Variants in STAG1 observed in about 807,000 individuals in gnomAD.
STAG1 encodes the protein STAG1 cohesin complex component, also known as cohesin subunit SA-1.
Under a neutral mutation model 170.9 loss-of-function variants are expected in STAG1, and 26 were observed. The observed-to-expected ratio is 0.15, with a 90% CI of 0.11 to 0.21. STAG1 has a LOEUF of 0.21. Among genes scored for constraint, STAG1 ranks in the 10% least tolerant of loss-of-function variants. The probability of loss-of-function intolerance (pLI) is 1.00; values close to 1 mark genes in which losing one functional copy is unlikely to be tolerated. For synonymous variants in STAG1, 514 were observed against 497.7 expected (o/e 1.03, Z -0.44); for missense variants, 964 against 1,509.5 (o/e 0.64, Z 5.99).
At chr3:136,555,190 C>T (rs1247458957) in intron 5 of STAG1, among the ~76,000 whole-genome samples, 1 of 150,222 alleles carries the variant, frequency 6.7e-6, no homozygotes, top group Non-Finnish European at 1.5e-5. Flanking sequence ...GGAGAGTTTC[C>T]TAGAAAAATC....
intron 1 of STAG1, chr3:136,737,124 C>G: frequency 3.6e-6 from 3 of 825,430 alleles, no homozygotes; most frequent in Non-Finnish European, 6.4e-6. Context: ...CTGATTTTTT[C>G]ACGTTAGAAC....
intron 1 of STAG1, among the ~76,000 whole-genome samples, chr3:136,649,526 A>AAATTAGCC (rs1941145500): frequency 6.6e-6 from 1 of 151,178 alleles, no homozygotes; most frequent in Non-Finnish European, 1.5e-5. Flanking sequence ...AAAAAAAGAA[A>AAATTAGCC]GGGTCCAGTT....
chr3:136,496,637 A>C (rs999572465), intron 9 of STAG1, among the ~76,000 whole-genome samples: 1 of 152,216 alleles, frequency 6.6e-6, no homozygotes, highest in Non-Finnish European at 1.5e-5. Flanking sequence ...TTTAGGACAC[A>C]TAGCTAAAGC....
intron 1 of STAG1, among the ~76,000 whole-genome samples, chr3:136,724,040 C>T (rs1467198308): frequency 6.7e-6 from 1 of 149,686 alleles, no homozygotes; most frequent in East Asian, 2.1e-4. Flanking sequence ...CGCCTCTGCC[C>T]GGCCGCCCCT....
chr3:136,538,754 C>T lies in STAG1; in HGVS notation c.471+3365G>A, dbSNP rs564436784. Among the ~76,000 whole-genome samples, 11 of 152,080 alleles carry T rather than the reference C, an allele frequency of 7.2e-5. No homozygotes were observed. The South Asian group carries it at 1.2e-3, about 17-fold the overall frequency. ...TTACTTCTTAAGCACTCCTCTCGTA[C>T]GTTAAAAACTATGGCCCTCTGAAAA... On this transcript the variant is annotated intron_variant, in intron 6 of 33. Transcript: ENST00000383202.
At chr3:136,589,329 T>C (rs1341004521) in intron 4 of STAG1, among the ~76,000 whole-genome samples, 3 of 151,620 alleles carry the variant, frequency 2.0e-5, no homozygotes, top group Non-Finnish European at 4.4e-5. Context: ...TGAAACCCAG[T>C]CTCTACTAAA....
At chr3:136,404,782 G>A (rs574265775) in intron 21 of STAG1, among the ~76,000 whole-genome samples, 1 of 152,088 alleles carries the variant, frequency 6.6e-6, no homozygotes, top group South Asian at 2.1e-4. Flanking sequence ...GAATGTTTAA[G>A]TTTAGAAAAC....
intron 9 of STAG1, among the ~76,000 whole-genome samples, chr3:136,479,146 A>G (rs993675583): frequency 1.4e-5 from 2 of 142,556 alleles, no homozygotes; most frequent in African/African-American, 5.2e-5. Flanking sequence ...TTACATATGT[A>G]TACATGTGCC....
At chr3:136,542,309 A>G in intron 5 of STAG1, 114 bp from the exon 6 acceptor site, 4 of 697,898 alleles carry the variant, frequency 5.7e-6, no homozygotes, top group Non-Finnish European at 9.5e-6. Context: ...ACCTTCCAAC[A>G]TATATTTTAT....
At chr3:136,508,882 G>C (rs546955329) in intron 7 of STAG1, among the ~76,000 whole-genome samples, 1 of 152,104 alleles carries the variant, frequency 6.6e-6, no homozygotes, top group Non-Finnish European at 1.5e-5. Context: ...GTGTGCGCGC[G>C]TGCGCGAGAG....
At chr3:136,387,740 G>A (rs1003670754) in intron 22 of STAG1, among the ~76,000 whole-genome samples, 1 of 152,182 alleles carries the variant, frequency 6.6e-6, no homozygotes, top group African/African-American at 2.4e-5. Context: ...TTGGCGATCT[G>A]AATCCCCACC....
At chr3:136,366,418 C>T (rs1244330909) in intron 25 of STAG1, among the ~76,000 whole-genome samples, 1 of 152,060 alleles carries the variant, frequency 6.6e-6, no homozygotes, top group Admixed American at 6.6e-5. Context: ...GAAATCATGT[C>T]TTACTTAAAC....
intron 21 of STAG1, among the ~76,000 whole-genome samples, chr3:136,400,561 A>T (rs1239254078): frequency 6.6e-6 from 1 of 150,530 alleles, no homozygotes; most frequent in Non-Finnish European, 1.5e-5. Context: ...TTTGAGACGA[A>T]GTCTCGCTTT....
intron 4 of STAG1, among the ~76,000 whole-genome samples, chr3:136,594,036 T>C (rs1223242811): frequency 2.6e-5 from 4 of 152,212 alleles, no homozygotes; most frequent in African/African-American, 9.6e-5. Flanking sequence ...CTTGAAACTT[T>C]CAAGCTTCTC....
In STAG1 at chr3:136,465,001, G is replaced by C. The variant is rs1363208793; in HGVS notation, c.1206-13C>G. ...TTCTTCACTTCCACTGAAAAATACA[G>C]AAAGTAACATCTGATCTAAAGCAAA... is the stretch of plus-strand genomic sequence containing the variant. On this transcript the variant is annotated splice_polypyrimidine_tract_variant and intron_variant, in intron 12 of 33. Coordinates refer to ENST00000383202, the MANE Select transcript of STAG1 (RefSeq NM_005862.3). 3 of 1,579,400 alleles carry C rather than the reference G, an allele frequency of 1.9e-6. No homozygotes were observed. The highest frequency in any genetic ancestry group is 3.5e-5 in the Admixed American group (2 of 57,172).
intron 1 of STAG1, among the ~76,000 whole-genome samples, chr3:136,722,936 C>A (rs1370560180): frequency 6.6e-6 from 1 of 152,200 alleles, no homozygotes; most frequent in Non-Finnish European, 1.5e-5. Flanking sequence ...GTGAGTGATC[C>A]GCCAGCCTCG....
intron 8 of STAG1, 26 bp from the exon 9 acceptor site, chr3:136,500,322 T>G: frequency 6.9e-7 from 1 of 1,440,146 alleles, no homozygotes; most frequent in Non-Finnish European, 9.6e-7. Flanking sequence ...ATATATAAGT[T>G]GAAATCCTGA....
chr3:136,375,121 T>C (rs1351301319), intron 23 of STAG1, among the ~76,000 whole-genome samples: 2 of 152,180 alleles, frequency 1.3e-5, no homozygotes, highest in African/African-American at 4.8e-5. Flanking sequence ...CATACAATGA[T>C]GAAATTGCCT....
intron 3 of STAG1, among the ~76,000 whole-genome samples, chr3:136,610,268 C>G (rs889219573): frequency 2.0e-5 from 3 of 152,126 alleles, no homozygotes; most frequent in Non-Finnish European, 2.9e-5. Flanking sequence ...AATTCCTGAC[C>G]TTGTGATCCA....
Sources: allele counts gnomAD v4.1 joint callset (sites outside exome capture counted in the v4.1 genomes callset), GRCh38; gene constraint gnomAD v4.1.1; transcripts MANE v1.5; gene names NCBI Gene and HGNC (gene_info 2026-07-23, HGNC 2026-07-21).